The following CEP112 variants were observed in gnomAD, a reference collection of about 807,000 sequenced individuals.
CEP112 encodes the protein centrosomal protein of 112 kDa.
In CEP112, 127 loss-of-function variants were observed where a neutral mutation model predicts 153.0. The ratio of observed to expected loss-of-function variants is 0.83; its 90% CI spans 0.72 to 0.96. CEP112 has a LOEUF of 0.96. Ranked by LOEUF, CEP112 falls within the 40% of genes least tolerant of loss-of-function variation. CEP112 has a pLI of 0.00. For missense variants in CEP112, 1,089 were observed against 1,101.2 expected (o/e 0.99, Z 0.16); for synonymous variants, 358 against 374.4 (o/e 0.96, Z 0.51).
rs375127890 is a variant in CEP112, at chr17:66,103,504, A to C, written c.643-6872T>G. 5.3e-5 allele frequency among the ~76,000 whole-genome samples: 8 copies of C among 152,376 alleles called. No homozygotes were observed. In the South Asian group the frequency reaches 8.3e-4, roughly 16 times the overall value. The stretch of plus-strand genomic sequence containing the variant: ...AAACAAGTAAATAATAGAACTAATA[A>C]GAGTTTGGCAAAGTTGCCAGATGCC... On this transcript the variant is annotated intron_variant, in intron 6 of 26. Transcript: ENST00000535342.
At chr17:65,652,816 T>C (rs1405929071) in intron 24 of CEP112, among the ~76,000 whole-genome samples, 1 of 152,168 alleles carries the variant, frequency 6.6e-6, no homozygotes, top group Non-Finnish European at 1.5e-5. Flanking sequence ...CTAGTGAGTG[T>C]CTTAGTTTGG....
Position 66,077,127 on chromosome 17 carries a change from T to C in CEP112, c.769-7126A>G, listed in dbSNP as rs147886873. 8.0e-4 allele frequency among the ~76,000 whole-genome samples: 122 copies of C among 152,190 alleles called. 2 individuals are homozygous for C. The East Asian group carries it at 0.02, about 24-fold the overall frequency. ...AATCAGAAAATCAACTCTGATAATATGACAAAACAAGGCTCTTTAACACCC... is the reference window on the plus strand; with the variant it reads ...AATCAGAAAATCAACTCTGATAATACGACAAAACAAGGCTCTTTAACACCC... On this transcript the variant is annotated intron_variant, in intron 8 of 26. Coordinates refer to ENST00000535342, the MANE Select transcript of CEP112 (RefSeq NM_001199165.4).
chr17:65,690,110 G>T (rs1598321234), intron 23 of CEP112, among the ~76,000 whole-genome samples: 1 of 22,362 alleles, frequency 4.5e-5, no homozygotes, highest in Non-Finnish European at 8.4e-5. Flanking sequence ...AAAGAAAACA[G>T]ACCAAAAAAA....
At chr17:65,920,362 A>ACAAACAAAAAAAATAT (rs1230889770) in intron 19 of CEP112, among the ~76,000 whole-genome samples, 1 of 42,778 alleles carries the variant, frequency 2.3e-5, no homozygotes, top group African/African-American at 8.6e-5. Context: ...AAACAAACAA[A>ACAAACAAAAAAAATAT]ATATATATAT....
In CEP112 at chr17:65,831,625, T is replaced by G. The variant is rs148093219; in HGVS notation, c.2394+20179A>C. ...CATGGATAGAAAACTAAAAGAAATTTGGAAAACAATCCAGGAACAAAGTGA... is the reference window on the plus strand; with the variant it reads ...CATGGATAGAAAACTAAAAGAAATTGGGAAAACAATCCAGGAACAAAGTGA... On this transcript the variant is annotated intron_variant, in intron 21 of 26. Transcript: ENST00000535342. Among the ~76,000 whole-genome samples the G allele has an allele frequency of 3.7e-4, 56 of 151,648 alleles. No individual in the cohort carries two copies. In the East Asian group the frequency reaches 9.1e-3, roughly 25 times the overall value.
intron 21 of CEP112, 60 bp downstream of exon 21, chr17:65,851,744 G>A: frequency 1.7e-6 from 2 of 1,173,362 alleles, no homozygotes; most frequent in South Asian, 2.8e-5. Context: ...TAAGGGTGGT[G>A]GCAATGGATT....
At chr17:65,713,870 G>A (rs1355930048) in intron 23 of CEP112, among the ~76,000 whole-genome samples, 1 of 152,158 alleles carries the variant, frequency 6.6e-6, no homozygotes, top group Non-Finnish European at 1.5e-5. Context: ...TTACAGGAGT[G>A]AGTCACCACG....
intron 4 of CEP112, among the ~76,000 whole-genome samples, chr17:66,135,418 A>G (rs970876124): frequency 2.0e-5 from 3 of 152,222 alleles, no homozygotes; most frequent in Non-Finnish European, 4.4e-5. Context: ...AGAAAGTGGG[A>G]GAAAAGTTCA....
intron 11 of CEP112, among the ~76,000 whole-genome samples, chr17:66,055,784 T>C (rs1410729616): frequency 1.3e-5 from 2 of 152,134 alleles, no homozygotes; most frequent in East Asian, 3.9e-4. Flanking sequence ...ACTACAAGGG[T>C]AAAAATGGCA....
At chr17:66,088,249 G>A (rs1461619705) in intron 8 of CEP112, among the ~76,000 whole-genome samples, 6 of 151,134 alleles carry the variant, frequency 4.0e-5, no homozygotes, top group Non-Finnish European at 5.9e-5. Context: ...GAGCCTCTAG[G>A]CCTAATTTGG....
rs2062208045 is a variant in CEP112, at chr17:65,961,649, T to A, written c.1737-51A>T. On this transcript the variant is annotated intron_variant, in intron 17 of 26. Transcript: ENST00000535342. ...AGTTAAAATATAAAAGAGCTAGGCC[T>A]GAATGAAAGAACAATATTTAACCCC... 2 of 1,498,816 alleles carry A rather than the reference T, an allele frequency of 1.3e-6. No homozygotes were observed. Among genetic ancestry groups the A allele is most frequent in the Non-Finnish European group, 1.8e-6 (2 of 1,106,532 alleles). The allele number at this position is 1,498,816 out of a possible 1,614,324, so 92.8% of individuals were successfully genotyped here. A position where few individuals can be genotyped will look rare whatever the true frequency, so the allele number is the denominator to read the frequency against.
intron 17 of CEP112, among the ~76,000 whole-genome samples, chr17:65,979,843 A>G (rs2063165547): frequency 6.6e-6 from 1 of 152,192 alleles, no homozygotes; most frequent in African/African-American, 2.4e-5. Context: ...CAATATGGGT[A>G]AGATAAACCT....
chr17:66,000,686 T>C (rs1248775859), intron 17 of CEP112, among the ~76,000 whole-genome samples: 4 of 152,048 alleles, frequency 2.6e-5, no homozygotes, highest in Non-Finnish European at 2.9e-5. Flanking sequence ...TTGGAGCATC[T>C]GGAGGAGCAG....
At chr17:65,820,232 GA>G (rs1410323895) in intron 21 of CEP112, among the ~76,000 whole-genome samples, 1 of 151,960 alleles carries the variant, frequency 6.6e-6, no homozygotes, top group Non-Finnish European at 1.5e-5. Context: ...GACTGCCTCA[GA>G]AAATTCTTCA....
At chr17:65,876,920 ATCT>A (rs1183836192) in intron 20 of CEP112, among the ~76,000 whole-genome samples, 3 of 151,610 alleles carry the variant, frequency 2.0e-5, no homozygotes, top group East Asian at 1.9e-4. Context: ...CTTTCCTTAA[ATCT>A]TCTTTTTTGT....
At chr17:66,106,182 G>A (rs1359496811) in intron 6 of CEP112, among the ~76,000 whole-genome samples, 1 of 151,788 alleles carries the variant, frequency 6.6e-6, no homozygotes, top group Non-Finnish European at 1.5e-5. Context: ...TTTATAGCAA[G>A]AATTATCAAT....
chr17:65,995,017 C>T (rs1039274180), intron 17 of CEP112, among the ~76,000 whole-genome samples: 1 of 152,128 alleles, frequency 6.6e-6, no homozygotes, highest in African/African-American at 2.4e-5. Flanking sequence ...TTCTGTGCCC[C>T]AGGGGTGAGT....
chr17:65,984,494 T>C (rs533455679), intron 17 of CEP112, among the ~76,000 whole-genome samples: 1 of 152,216 alleles, frequency 6.6e-6, no homozygotes, highest in African/African-American at 2.4e-5. Flanking sequence ...CAGGAATTTA[T>C]AACATCTGCT....
intron 16 of CEP112, among the ~76,000 whole-genome samples, chr17:66,023,255 G>A (rs554771688): frequency 6.6e-6 from 1 of 152,216 alleles, no homozygotes; most frequent in South Asian, 2.1e-4. Context: ...TTTACCATAA[G>A]AAATAGTCAT....
Sources: allele counts gnomAD v4.1 joint callset (sites outside exome capture counted in the v4.1 genomes callset), GRCh38; gene constraint gnomAD v4.1.1; transcripts MANE v1.5; gene names NCBI Gene and HGNC (gene_info 2026-07-23, HGNC 2026-07-21).